Variants in RBMS1 observed in about 807,000 individuals in gnomAD.
The protein encoded by RBMS1 is RNA-binding motif, single-stranded-interacting protein 1.
RBMS1 carries 17 observed loss-of-function variants against 62.3 expected under a neutral mutation model. That is an observed-to-expected ratio of 0.27 (90% CI 0.19 to 0.41). The LOEUF (loss-of-function observed/expected upper bound fraction) is 0.41, where lower values mean the gene tolerates loss of function less well. Among genes scored for constraint, RBMS1 ranks in the 10% least tolerant of loss-of-function variants. The probability of loss-of-function intolerance (pLI) is 1.00; values close to 1 mark genes in which losing one functional copy is unlikely to be tolerated. For missense variants in RBMS1, 334 were observed against 504.5 expected, an observed-to-expected ratio of 0.66 and a Z score of 3.24; for synonymous variants, 172 against 170.0, an observed-to-expected ratio of 1.01 and a Z score of -0.09.
intron 3 of RBMS1, among the ~76,000 whole-genome samples, chr2:160,313,823 C>T (rs1690067476): frequency 6.6e-6 from 1 of 152,234 alleles, no homozygotes; most frequent in African/African-American, 2.4e-5. Flanking sequence ...CATCACACCC[C>T]TTCAAAATAA....
At position 160,276,339 on chromosome 2, in the gene RBMS1, TACCACCACCACCACC is replaced by T. The variant is rs373432177; in HGVS notation, c.1144-640_1144-626del. Among the ~76,000 whole-genome samples the T allele has an allele frequency of 4.3e-3, 646 of 150,842 alleles. 3 individuals carry two copies. Among genetic ancestry groups the T allele is most frequent in the Non-Finnish European group, 7.5e-3 (509 of 67,746 alleles). On this transcript the variant is annotated intron_variant, in intron 12 of 13. Transcript: ENST00000348849. ...TGCACAAACAGAAGTAAAATACTAC[TACCACCACCACCACC>T]ACCACCACCACCACCAACACCTACT...
chr2:160,317,705 T>C (rs561838929), intron 3 of RBMS1, among the ~76,000 whole-genome samples: 29 of 152,180 alleles, frequency 1.9e-4, no homozygotes, highest in Admixed American at 5.2e-4. Context: ...CAGAGAACAA[T>C]TGGGAGTACT....
chr2:160,296,143 G>A (rs1019404390), intron 6 of RBMS1, among the ~76,000 whole-genome samples: 4 of 152,164 alleles, frequency 2.6e-5, no homozygotes, highest in African/African-American at 9.7e-5. Flanking sequence ...TTTCTCCTTT[G>A]TCTTTACTTG....
At chr2:160,358,809 A>C (rs1307281649) in intron 2 of RBMS1, among the ~76,000 whole-genome samples, 1 of 152,138 alleles carries the variant, frequency 6.6e-6, no homozygotes, top group African/African-American at 2.4e-5. Context: ...TAAAGGACAC[A>C]CTTAATGAGA....
chr2:160,423,046 C>T (rs1559533160), intron 1 of RBMS1, among the ~76,000 whole-genome samples: 1 of 152,102 alleles, frequency 6.6e-6, no homozygotes, highest in African/African-American at 2.4e-5. Context: ...TGCATCTCTT[C>T]TTGGCACTCT....
chr2:160,349,287 TA>T (rs1388902276), intron 2 of RBMS1, among the ~76,000 whole-genome samples: 1 of 152,138 alleles, frequency 6.6e-6, no homozygotes, highest in Non-Finnish European at 1.5e-5. Context: ...AGCCAGAGGC[TA>T]AAAGTATCTG....
chr2:160,457,123 A>AT (rs1222070656), intron 1 of RBMS1, among the ~76,000 whole-genome samples: 28 of 108,480 alleles, frequency 2.6e-4, no homozygotes, highest in South Asian at 8.0e-4. Context: ...TATTTATTTA[A>AT]TTAATTTATT....
chr2:160,477,437 A>G (rs906965275), intron 1 of RBMS1, among the ~76,000 whole-genome samples: 1 of 151,932 alleles, frequency 6.6e-6, no homozygotes, highest in South Asian at 2.1e-4. Context: ...ACAGAGTCTC[A>G]CTCTGTCACC....
Position 160,318,018 on chromosome 2 carries a change from T to C in RBMS1, c.310+151A>G, listed in dbSNP as rs1295973443. On this transcript the variant is annotated intron_variant, in intron 3 of 13. Transcript: ENST00000348849. ...CCCAACCAGGGACAAATGTAAGTAA[T>C]ATGCTGACACTGTGCAAGACAGAAA... 3.5e-6 allele frequency: 4 copies of C among 1,158,870 alleles called. No individual in the cohort carries two copies. In the African/African-American group the frequency reaches 6.4e-5, roughly 19 times the overall value. The allele number at this position is 1,158,870 out of a possible 1,614,324, so 71.8% of individuals were successfully genotyped here.
At chr2:160,347,967 C>CAAATTAA in intron 2 of RBMS1, among the ~76,000 whole-genome samples, 1 of 152,016 alleles carries the variant, frequency 6.6e-6, no homozygotes, top group Admixed American at 6.6e-5. Flanking sequence ...AATTAAGCAC[C>CAAATTAA]GTCTAATGCA....
intron 1 of RBMS1, among the ~76,000 whole-genome samples, chr2:160,426,271 A>AAGAAAGAAAGAAAG: frequency 7.9e-6 from 1 of 127,210 alleles, no homozygotes; most frequent in East Asian, 2.3e-4. Context: ...GAAAGAAAGA[A>AAGAAAGAAAGAAAG]AGAAAGAAAG....
intron 1 of RBMS1, chr2:160,407,717 G>A (rs1266699540): frequency 1.0e-6 from 1 of 981,416 alleles, no homozygotes; most frequent in Non-Finnish European, 1.2e-6. Flanking sequence ...CTCCGCCTTC[G>A]ACCTCCGCAC....
chr2:160,305,053 C>CTAA (rs1361747580), intron 4 of RBMS1, among the ~76,000 whole-genome samples: 3 of 152,182 alleles, frequency 2.0e-5, no homozygotes, highest in Non-Finnish European at 4.4e-5. Context: ...TGGAGTTTCA[C>CTAA]CATGTTGGCC....
intron 10 of RBMS1, 113 bp downstream of exon 10, chr2:160,281,201 C>T: frequency 1.5e-6 from 1 of 665,258 alleles, no homozygotes; most frequent in Non-Finnish European, 2.4e-6. Flanking sequence ...TCTCATATTC[C>T]ATGTTTAAAA....
chr2:160,345,829 TG>T (rs1692144217), intron 2 of RBMS1, among the ~76,000 whole-genome samples: 1 of 152,110 alleles, frequency 6.6e-6, no homozygotes, highest in Non-Finnish European at 1.5e-5. Context: ...TGGTGAGTAG[TG>T]GGAACAATCT....
In RBMS1 at chr2:160,424,365, TGGG is replaced by T. The variant is rs58071256; in HGVS notation, c.76-56977_76-56975del. ...AGAATTTAAGCCAGAGGTGAGAGAT[TGGG>T]GGGGGGGGGAAACAAAAAGAAAGAT... On this transcript the variant is annotated intron_variant, in intron 1 of 13. Coordinates refer to ENST00000348849, the MANE Select transcript of RBMS1 (RefSeq NM_016836.4). Among the ~76,000 whole-genome samples, 32 of 140,930 alleles carry T rather than the reference TGGG, an allele frequency of 2.3e-4. 1 individual carries two copies. The highest frequency in any genetic ancestry group is 2.8e-4 in the African/African-American group (10 of 36,078). The allele number at this position is 140,930 out of a possible 152,430, so 92.5% of individuals were successfully genotyped here.
rs543520212 is a variant in RBMS1 at position 160,451,537 on chromosome 2, T to A, written c.75+41752A>T. 4.6e-5 allele frequency among the ~76,000 whole-genome samples: 7 copies of A among 152,322 alleles called. No individual in the cohort carries two copies. The South Asian group carries it at 1.4e-3, about 32-fold the overall frequency. On this transcript the variant is annotated intron_variant, in intron 1 of 13. Transcript: ENST00000348849. ...AACCTTAGTGTGTTATTAGTAATTT[T>A]CAAATCTACTTAAACCCAATGCACC...
At chr2:160,469,691 A>G (rs1309437985) in intron 1 of RBMS1, among the ~76,000 whole-genome samples, 1 of 152,198 alleles carries the variant, frequency 6.6e-6, no homozygotes, top group Non-Finnish European at 1.5e-5. Context: ...CTCTCAAACA[A>G]GCGTATCAAC....
At chr2:160,311,224 C>CCATATGTATATA (rs71297446) in intron 4 of RBMS1, among the ~76,000 whole-genome samples, 1 of 56,634 alleles carries the variant, frequency 1.8e-5, no homozygotes, top group Non-Finnish European at 3.6e-5. Context: ...ATCTATCTAT[C>CCATATGTATATA]TATCTATCTA....
Sources: allele counts gnomAD v4.1 joint callset (sites outside exome capture counted in the v4.1 genomes callset), GRCh38; gene constraint gnomAD v4.1.1; transcripts MANE v1.5; gene names NCBI Gene and HGNC (gene_info 2026-07-23, HGNC 2026-07-21).